SNX29: variants seen among roughly 807,000 people sequenced by gnomAD.
SNX29 encodes the protein sorting nexin 29, also known as sorting nexin-29.
In SNX29, 78 loss-of-function variants were observed where a neutral mutation model predicts 102.1. That is an observed-to-expected ratio of 0.76 (90% CI 0.64 to 0.92). The LOEUF is 0.92. Among genes scored for constraint, SNX29 ranks in the 40% least tolerant of loss-of-function variants. The pLI is 0.00. For synonymous variants in SNX29, 580 were observed against 414.5 expected (o/e 1.40, Z -4.85); for missense variants, 1,280 against 1,061.7 (o/e 1.21, Z -2.86).
chr16:12,333,966 C>G (rs1028464857), intron 15 of SNX29, among the ~76,000 whole-genome samples: 1 of 152,182 alleles, frequency 6.6e-6, no homozygotes, highest in African/African-American at 2.4e-5. Flanking sequence ...AATGTAACCT[C>G]ATGGGGATGT....
chr16:12,037,294 T>G (rs577027245), intron 4 of SNX29, among the ~76,000 whole-genome samples: 1 of 152,040 alleles, frequency 6.6e-6, no homozygotes, highest in Non-Finnish European at 1.5e-5. Context: ...GAGGCCAAAT[T>G]TGACTCCCAG....
intron 16 of SNX29, among the ~76,000 whole-genome samples, chr16:12,356,886 C>T (rs1413132213): frequency 6.6e-6 from 1 of 152,340 alleles, no homozygotes; most frequent in East Asian, 1.9e-4. Flanking sequence ...ACAAATGTCT[C>T]CAGATATCGC....
At chr16:12,559,251 C>T (rs1424002305) in intron 20 of SNX29, among the ~76,000 whole-genome samples, 5 of 152,062 alleles carry the variant, frequency 3.3e-5, no homozygotes, top group African/African-American at 1.2e-4. Context: ...GCATCACCGC[C>T]TGAGCTCTGC....
chr16:12,537,554 G>C (rs139457798), intron 20 of SNX29, among the ~76,000 whole-genome samples: 1 of 152,162 alleles, frequency 6.6e-6, no homozygotes, highest in African/African-American at 2.4e-5. Flanking sequence ...GGAGCTTCTC[G>C]AAGGGAAGCA....
chr16:12,331,922 T>C (rs2081302302), intron 15 of SNX29, among the ~76,000 whole-genome samples: 1 of 151,994 alleles, frequency 6.6e-6, no homozygotes, highest in African/African-American at 2.4e-5. Context: ...AGCAGGCAAG[T>C]GGTGGCGCAC....
intron 8 of SNX29, among the ~76,000 whole-genome samples, chr16:12,059,187 G>T (rs1042157571): frequency 6.6e-6 from 1 of 152,158 alleles, no homozygotes; most frequent in Non-Finnish European, 1.5e-5. Context: ...GCGGGGAAGG[G>T]TCAAGAATTA....
At chr16:12,559,554 A>G (rs2865571) in intron 20 of SNX29, among the ~76,000 whole-genome samples, 29,582 of 151,888 alleles carry the variant, frequency 0.19, 3,064 homozygotes, top group East Asian at 0.43. Flanking sequence ...ACATCTGTGG[A>G]AAATTTTTCT....
At chr16:12,289,337 A>G (rs146125228) in intron 15 of SNX29, among the ~76,000 whole-genome samples, 19 of 152,192 alleles carry the variant, frequency 1.2e-4, no homozygotes, top group Admixed American at 5.2e-4. Flanking sequence ...CCTCTCAGTT[A>G]CTGTTTGCAT....
At chr16:12,560,284 T>G (rs951601765) in intron 20 of SNX29, among the ~76,000 whole-genome samples, 4 of 152,096 alleles carry the variant, frequency 2.6e-5, no homozygotes, top group African/African-American at 4.8e-5. Flanking sequence ...AATGTCACAG[T>G]GTTATTGAAA....
chr16:12,525,163 T>C (rs1292689104), intron 20 of SNX29, among the ~76,000 whole-genome samples: 1 of 152,120 alleles, frequency 6.6e-6, no homozygotes, highest in African/African-American at 2.4e-5. Flanking sequence ...CCACGGGTGC[T>C]CCAAAACTGA....
At chr16:12,289,966 G>A (rs2079736434) in intron 15 of SNX29, among the ~76,000 whole-genome samples, 1 of 152,128 alleles carries the variant, frequency 6.6e-6, no homozygotes, top group Non-Finnish European at 1.5e-5. Flanking sequence ...CAACATAAAG[G>A]GCTCGTCACT....
At chr16:12,137,574 C>T (rs1434923171) in intron 13 of SNX29, among the ~76,000 whole-genome samples, 1 of 152,194 alleles carries the variant, frequency 6.6e-6, no homozygotes, top group African/African-American at 2.4e-5. Context: ...ATCATGCTGT[C>T]CTGCACCCCA....
intron 20 of SNX29, chr16:12,557,287 T>C (rs982508988): frequency 6.6e-6 from 1 of 152,210 alleles, no homozygotes; most frequent in African/African-American, 2.4e-5. Flanking sequence ...AGAAGAGACC[T>C]GGGACCCTGT....
At chr16:12,524,091 G>T (rs1287202586) in intron 19 of SNX29, among the ~76,000 whole-genome samples, 1 of 152,180 alleles carries the variant, frequency 6.6e-6, no homozygotes, top group Non-Finnish European at 1.5e-5. Flanking sequence ...TCTCCAGGTT[G>T]GTTAGGCTGG....
At chr16:12,512,336 A>T (rs2089655975) in intron 19 of SNX29, among the ~76,000 whole-genome samples, 1 of 130,466 alleles carries the variant, frequency 7.7e-6, no homozygotes, top group East Asian at 2.2e-4. Flanking sequence ...TCTCCCCATC[A>T]CTGTTTACGT....
At chr16:12,548,474 C>T (rs1308590432) in intron 20 of SNX29, among the ~76,000 whole-genome samples, 3 of 152,312 alleles carry the variant, frequency 2.0e-5, no homozygotes, top group Non-Finnish European at 4.4e-5. Context: ...CAGCACCGGG[C>T]TTTCAGGATG....
At chr16:12,462,898 G>A (rs976384989) in intron 18 of SNX29, among the ~76,000 whole-genome samples, 2 of 152,202 alleles carry the variant, frequency 1.3e-5, no homozygotes, top group African/African-American at 4.8e-5. Flanking sequence ...TGCAACATGT[G>A]ACTGCAGGAT....
At chr16:12,421,843 A>G (rs2084883074) in intron 18 of SNX29, among the ~76,000 whole-genome samples, 1 of 151,546 alleles carries the variant, frequency 6.6e-6, no homozygotes, top group Non-Finnish European at 1.5e-5. Flanking sequence ...ATGCATCACC[A>G]TCACCAGCCA....
chr16:12,241,313 T>C (rs2078097745), intron 14 of SNX29, among the ~76,000 whole-genome samples: 1 of 152,188 alleles, frequency 6.6e-6, no homozygotes, highest in South Asian at 2.1e-4. Context: ...CAAGAAGCCC[T>C]GAAAATCACT....
Sources: allele counts gnomAD v4.1 joint callset (sites outside exome capture counted in the v4.1 genomes callset), GRCh38; gene constraint gnomAD v4.1.1; transcripts MANE v1.5; gene names NCBI Gene and HGNC (gene_info 2026-07-23, HGNC 2026-07-21).